PPP1R9A: variants seen among roughly 807,000 people sequenced by gnomAD.
PPP1R9A encodes the protein protein phosphatase 1 regulatory subunit 9A.
PPP1R9A carries 59 observed loss-of-function variants against 141.9 expected under a neutral mutation model. The observed-to-expected ratio is 0.42, with a 90% CI of 0.34 to 0.52. The LOEUF is 0.52. Ranked by LOEUF, PPP1R9A falls within the 20% of genes least tolerant of loss-of-function variation. PPP1R9A has a pLI of 0.10. For missense variants in PPP1R9A, 1,444 were observed against 1,611.9 expected (o/e 0.90, Z 1.78); for synonymous variants, 500 against 569.7 (o/e 0.88, Z 1.74).
In PPP1R9A at chr7:94,968,502, C is replaced by T. The variant is rs951878770; in HGVS notation, c.1395+56994C>T. The stretch of plus-strand genomic sequence containing the variant: ...GGTTTAAAGTCTGTTTTATCAGAGA[C>T]TAGGATTGCAACCCCTGCTTTTTTT... On this transcript the variant is annotated intron_variant, in intron 2 of 19. Coordinates refer to ENST00000433360, the MANE Select transcript of PPP1R9A (RefSeq NM_001166160.2). Among the ~76,000 whole-genome samples the T allele has an allele frequency of 2.0e-5, 3 of 152,150 alleles. 1 individual carries two copies. Among genetic ancestry groups the T allele is most frequent in the Admixed American group, 2.0e-4 (3 of 15,276 alleles).
At chr7:95,054,004 A>G (rs554688642) in intron 2 of PPP1R9A, among the ~76,000 whole-genome samples, 1 of 152,322 alleles carries the variant, frequency 6.6e-6, no homozygotes, top group South Asian at 2.1e-4. Flanking sequence ...TAAAATAAGT[A>G]TACATAGACA....
intron 4 of PPP1R9A, among the ~76,000 whole-genome samples, chr7:95,128,671 G>T (rs1459869986): frequency 2.0e-5 from 3 of 152,112 alleles, no homozygotes; most frequent in African/African-American, 7.2e-5. Flanking sequence ...CTGCCTCCTG[G>T]GTTCAAGCGA....
Position 95,194,549 on chromosome 7 carries a change from ATAT to A in PPP1R9A, c.1755-3796_1755-3794del, listed in dbSNP as rs150781535. On this transcript the variant is annotated intron_variant, in intron 5 of 19. Transcript: ENST00000433360. ...TATGTATTTCTTCATAGTAGATGTGATATTATATATCAAATGATTCTAGGAAAT... is the reference window on the plus strand; with the variant it reads ...TATGTATTTCTTCATAGTAGATGTGATATATATCAAATGATTCTAGGAAAT... Among the ~76,000 whole-genome samples, 972 of 152,210 alleles carry A rather than the reference ATAT, an allele frequency of 6.4e-3. 11 individuals carry two copies. Among genetic ancestry groups the A allele is most frequent in the African/African-American group, 0.023 (941 of 41,562 alleles).
intron 2 of PPP1R9A, among the ~76,000 whole-genome samples, chr7:95,046,078 T>C (rs573214771): frequency 1.5e-5 from 2 of 136,942 alleles, no homozygotes; most frequent in East Asian, 3.9e-4. Context: ...AGTATTTCTT[T>C]TCTTTTTTTT....
intron 2 of PPP1R9A, among the ~76,000 whole-genome samples, chr7:94,961,039 T>G (rs1233705644): frequency 6.6e-6 from 1 of 151,594 alleles, no homozygotes; most frequent in African/African-American, 2.4e-5. Flanking sequence ...CTTTCCTCTA[T>G]GTAAATTAGT....
chr7:94,971,991 C>T (rs1183384263), intron 2 of PPP1R9A, among the ~76,000 whole-genome samples: 1 of 152,160 alleles, frequency 6.6e-6, no homozygotes, highest in East Asian at 1.9e-4. Context: ...AATTTATTTA[C>T]ATACTTCAGT....
chr7:95,100,503 T>C (rs939569248), intron 2 of PPP1R9A, among the ~76,000 whole-genome samples: 1 of 152,212 alleles, frequency 6.6e-6, no homozygotes, highest in African/African-American at 2.4e-5. Flanking sequence ...CTTTACCACA[T>C]ACTTCTGAAG....
intron 2 of PPP1R9A, chr7:95,035,932 G>A (rs536159297): frequency 4.6e-5 from 7 of 152,208 alleles, no homozygotes; most frequent in African/African-American, 1.7e-4. Context: ...TTTAGGTAGA[G>A]GCCAATAAGA....
At chr7:94,982,749 C>A (rs543619349) in intron 2 of PPP1R9A, among the ~76,000 whole-genome samples, 3,761 of 152,170 alleles carry the variant, frequency 0.025, 167 homozygotes, top group African/African-American at 0.086. Flanking sequence ...GAGTAGATTG[C>A]AAAAATTTTC....
rs915154552 is a variant in PPP1R9A, at chr7:95,198,283, T to C, written c.1755-66T>C. The C allele has an allele frequency of 6.8e-6, 10 of 1,460,640 alleles. No individual in the cohort carries two copies. In the African/African-American group the frequency reaches 1.4e-4, roughly 21 times the overall value. The allele number at this position is 1,460,640 out of a possible 1,614,324, so 90.5% of individuals were successfully genotyped here. A position where few individuals can be genotyped will look rare whatever the true frequency, so the allele number is the denominator to read the frequency against. ...GGACCCTGCTGAGATCAAACCTGTT[T>C]ACTTTTCTTAAAACTCCTTTTTGTT... On this transcript the variant is annotated intron_variant, in intron 5 of 19. Coordinates refer to ENST00000433360, the MANE Select transcript of PPP1R9A (RefSeq NM_001166160.2).
rs956937644 is a variant in PPP1R9A, at chr7:94,930,994, T to C, written c.1395+19486T>C. Among the ~76,000 whole-genome samples the C allele has an allele frequency of 7.9e-5, 12 of 152,210 alleles. 1 individual carries two copies. In the East Asian group the frequency reaches 2.3e-3, roughly 29 times the overall value. ...TTAGCGTATCCGTACAAAATAGTTA[T>C]GAAGATTAATGTTGCCTTCTGTAGA... On this transcript the variant is annotated intron_variant, in intron 2 of 19. Coordinates refer to ENST00000433360, the MANE Select transcript of PPP1R9A (RefSeq NM_001166160.2).
In PPP1R9A at chr7:94,910,084, G is replaced by T; in HGVS notation, c.-30G>T. The T allele has an allele frequency of 1.3e-6, 2 of 1,572,402 alleles. No homozygotes were observed. Among genetic ancestry groups the T allele is most frequent in the South Asian group, 2.4e-5 (2 of 85,042 alleles). ...TTTGGTTTTTTTCTTTGATCATTAT[G>T]AACATTGGCTTTTCACCCCTGAAGT... is the stretch of plus-strand genomic sequence containing the variant. On this transcript the variant is annotated 5_prime_UTR_variant, in exon 2 of 20. The change abolishes an upstream ATG in the 5' untranslated region. Transcript: ENST00000433360. The surrounding 1 kb of genome is among the most constrained non-coding windows in gnomAD (Gnocchi z 4.5).
intron 2 of PPP1R9A, among the ~76,000 whole-genome samples, chr7:95,011,916 AAT>A (rs1300417069): frequency 7.2e-5 from 11 of 152,200 alleles, no homozygotes; most frequent in African/African-American, 2.4e-4. Context: ...AATGTGAATA[AAT>A]ATATATGTCT....
chr7:95,039,269 G>A (rs559984573), intron 2 of PPP1R9A, among the ~76,000 whole-genome samples: 1 of 152,150 alleles, frequency 6.6e-6, no homozygotes, highest in South Asian at 2.1e-4. Context: ...TCGAAAACTC[G>A]AATAAAAAAT....
Position 95,067,604 on chromosome 7 carries a change from A to G in PPP1R9A, c.1396-43655A>G, listed in dbSNP as rs560752983. ...CTCAGGTATAAACAACTTTTATGATAATAATAACACAGTCATCCCTCAGTG... is the reference window on the plus strand; with the variant it reads ...CTCAGGTATAAACAACTTTTATGATGATAATAACACAGTCATCCCTCAGTG... On this transcript the variant is annotated intron_variant, in intron 2 of 19. Transcript: ENST00000433360. 1.1e-3 allele frequency among the ~76,000 whole-genome samples: 166 copies of G among 151,650 alleles called. 1 individual carries two copies. The highest frequency in any genetic ancestry group is 1.9e-3 in the Non-Finnish European group (128 of 68,032).
At chr7:94,930,051 G>A (rs1394301230) in intron 2 of PPP1R9A, among the ~76,000 whole-genome samples, 1 of 152,132 alleles carries the variant, frequency 6.6e-6, no homozygotes, top group African/African-American at 2.4e-5. Context: ...ACATAAACAG[G>A]GAATTGATTG....
At chr7:95,274,924 T>TAAA (rs1802884312) in intron 16 of PPP1R9A, among the ~76,000 whole-genome samples, 1 of 152,180 alleles carries the variant, frequency 6.6e-6, no homozygotes, top group South Asian at 2.1e-4. Flanking sequence ...TAACAGTACC[T>TAAA]TTTACATAAG....
intron 2 of PPP1R9A, among the ~76,000 whole-genome samples, chr7:95,066,136 T>G (rs1048817012): frequency 6.6e-6 from 1 of 152,198 alleles, no homozygotes; most frequent in Non-Finnish European, 1.5e-5. Context: ...TTGGCTGTCA[T>G]ACAATCTGAC....
intron 5 of PPP1R9A, among the ~76,000 whole-genome samples, chr7:95,191,677 G>A (rs978134865): frequency 8.6e-5 from 13 of 151,980 alleles, no homozygotes; most frequent in African/African-American, 1.4e-4. Context: ...ATTATTTGGC[G>A]ATGATAAGCT....
Sources: gnomAD v4.1 joint callset for allele counts (sites outside exome capture counted in the v4.1 genomes callset) on GRCh38, gnomAD v4.1.1 for gene constraint, Gnocchi (gnomAD v3.1) non-coding constraint, MANE v1.5 for transcripts, NCBI Gene and HGNC (gene_info 2026-07-23, HGNC 2026-07-21) for gene names.